Variants in MALRD1 observed in about 807,000 individuals in gnomAD.
MALRD1 encodes MAM and LDL receptor class A domain containing 1, also known as MAM and LDL-receptor class A domain-containing protein 1.
A neutral mutation model predicts 242.1 loss-of-function variants in MALRD1; 247 were observed. The observed-to-expected ratio is 1.02, with a 90% CI of 0.92 to 1.13. The LOEUF (loss-of-function observed/expected upper bound fraction) is 1.13, where lower values mean the gene tolerates loss of function less well. MALRD1 is among the 50% of genes most tolerant of loss of function. The pLI is 0.00. For synonymous variants in MALRD1, 995 were observed against 866.6 expected, an observed-to-expected ratio of 1.15 and a Z score of -2.60; for missense variants, 2,989 against 2,533.1, an observed-to-expected ratio of 1.18 and a Z score of -3.86.
At chr10:19,073,742 G>A (rs371064711) in intron 2 of MALRD1, among the ~76,000 whole-genome samples, 101 of 152,204 alleles carry the variant, frequency 6.6e-4, no homozygotes, top group African/African-American at 2.4e-3. Context: ...TTAGGTAAGA[G>A]ATACTGAACC....
intron 11 of MALRD1, among the ~76,000 whole-genome samples, chr10:19,153,157 C>G (rs1469631465): frequency 1.3e-5 from 2 of 152,084 alleles, no homozygotes; most frequent in Non-Finnish European, 2.9e-5. Context: ...TAAACCAAAC[C>G]TACATTCTTG....
At chr10:19,408,732 C>T (rs999817070) in intron 28 of MALRD1, among the ~76,000 whole-genome samples, 47 of 152,220 alleles carry the variant, frequency 3.1e-4, no homozygotes, top group African/African-American at 1.0e-3. Context: ...TATCACTACA[C>T]GCCGACCAGA....
At chr10:19,557,221 T>A (rs1416920909) in intron 32 of MALRD1, among the ~76,000 whole-genome samples, 1 of 152,100 alleles carries the variant, frequency 6.6e-6, no homozygotes, top group Non-Finnish European at 1.5e-5. Context: ...TTTTAGAATA[T>A]TTTCTTTGGT....
At chr10:19,454,414 A>G (rs1326916005) in intron 29 of MALRD1, among the ~76,000 whole-genome samples, 2 of 133,700 alleles carry the variant, frequency 1.5e-5, no homozygotes, top group Non-Finnish European at 3.3e-5. Context: ...TGATATATAT[A>G]TATATATATA....
At chr10:19,462,724 A>T (rs1017867022) in intron 29 of MALRD1, among the ~76,000 whole-genome samples, 3 of 152,264 alleles carry the variant, frequency 2.0e-5, no homozygotes, top group African/African-American at 7.2e-5. Context: ...TAAGTTGATT[A>T]TTCTAATAGA....
intron 18 of MALRD1, among the ~76,000 whole-genome samples, chr10:19,215,616 C>T (rs1837275510): frequency 6.6e-6 from 1 of 152,078 alleles, no homozygotes. Context: ...GTTCTTGCTT[C>T]AATTTTAGCA....
rs1833487586 is a variant in MALRD1, at chr10:19,415,632, A to T, written c.4845+26023A>T. On this transcript the variant is annotated intron_variant, in intron 28 of 39. Coordinates refer to ENST00000454679, the MANE Select transcript of MALRD1 (RefSeq NM_001142308.3). ...TTTAAAGTTGACTAATTTTTTAAAA[A>T]TTCATAAATGTGCTCTTTTAAGAAA... Among the ~76,000 whole-genome samples, 3 of 152,304 alleles carry T rather than the reference A, an allele frequency of 2.0e-5. No individual in the cohort carries two copies. In the South Asian group the frequency reaches 6.2e-4, roughly 32 times the overall value.
At chr10:19,608,406 T>A (rs879740181) in intron 35 of MALRD1, among the ~76,000 whole-genome samples, 13 of 152,100 alleles carry the variant, frequency 8.5e-5, no homozygotes, top group Non-Finnish European at 1.5e-4. Context: ...GTATACAGCA[T>A]AGGAACTGAC....
intron 32 of MALRD1, among the ~76,000 whole-genome samples, chr10:19,539,603 TG>T (rs1160403227): frequency 6.6e-6 from 1 of 152,148 alleles, no homozygotes; most frequent in Non-Finnish European, 1.5e-5. Flanking sequence ...TGAGCCGATA[TG>T]GGGGATGCTA....
At chr10:19,103,205 A>G (rs1311478155) in intron 4 of MALRD1, among the ~76,000 whole-genome samples, 1 of 152,144 alleles carries the variant, frequency 6.6e-6, no homozygotes, top group Non-Finnish European at 1.5e-5. Context: ...CGATGTTTAG[A>G]TAATGGCAGA....
At chr10:19,124,254 A>G (rs956251743) in intron 6 of MALRD1, among the ~76,000 whole-genome samples, 1 of 152,162 alleles carries the variant, frequency 6.6e-6, no homozygotes, top group Non-Finnish European at 1.5e-5. Flanking sequence ...AAGTGGTGAC[A>G]CATACAACAA....
intron 5 of MALRD1, among the ~76,000 whole-genome samples, chr10:19,122,420 A>G (rs1450054595): frequency 6.6e-6 from 1 of 152,146 alleles, no homozygotes; most frequent in African/African-American, 2.4e-5. Context: ...AGTCATCAAT[A>G]AGAAGAGATC....
intron 36 of MALRD1, among the ~76,000 whole-genome samples, chr10:19,626,321 G>A (rs966802784): frequency 2.8e-5 from 4 of 141,216 alleles, no homozygotes; most frequent in African/African-American, 1.0e-4. Context: ...TTTTAAGTCA[G>A]GGAGGTCTGC....
At chr10:19,699,248 A>C (rs1295300842) in intron 38 of MALRD1, among the ~76,000 whole-genome samples, 1 of 146,596 alleles carries the variant, frequency 6.8e-6, no homozygotes, top group East Asian at 2.1e-4. Context: ...TGTAATATGT[A>C]CCTGGGAAGG....
intron 12 of MALRD1, among the ~76,000 whole-genome samples, chr10:19,157,528 T>G (rs1834211418): frequency 6.6e-6 from 1 of 152,144 alleles, no homozygotes; most frequent in South Asian, 2.1e-4. Flanking sequence ...ATTACAGGCG[T>G]GAGCCACCGC....
At chr10:19,491,721 T>G in intron 30 of MALRD1, 76 bp downstream of exon 30, 1 of 1,441,258 alleles carries the variant, frequency 6.9e-7, no homozygotes, top group Non-Finnish European at 9.3e-7. Context: ...GATATTGGTG[T>G]TGATGATGGA....
At chr10:19,259,587 C>G (rs113953636) in intron 19 of MALRD1, among the ~76,000 whole-genome samples, 3 of 152,084 alleles carry the variant, frequency 2.0e-5, no homozygotes, top group Admixed American at 1.3e-4. Context: ...GACCCGCCCC[C>G]GTGATTCAAT....
At chr10:19,495,828 C>A (rs971883109) in intron 30 of MALRD1, among the ~76,000 whole-genome samples, 1 of 152,086 alleles carries the variant, frequency 6.6e-6, no homozygotes, top group African/African-American at 2.4e-5. Context: ...CTTCAAGAGA[C>A]CCATCTCACA....
At chr10:19,588,209 G>A (rs1308635578) in intron 33 of MALRD1, among the ~76,000 whole-genome samples, 1 of 151,806 alleles carries the variant, frequency 6.6e-6, no homozygotes, top group Non-Finnish European at 1.5e-5. Context: ...TACTATTTAT[G>A]ATTTATTCCA....
Sources: gnomAD v4.1 joint callset for allele counts (sites outside exome capture counted in the v4.1 genomes callset) on GRCh38, gnomAD v4.1.1 for gene constraint, MANE v1.5 for transcripts, NCBI Gene and HGNC (gene_info 2026-07-23, HGNC 2026-07-21) for gene names.